The following NXF1 variants were observed in gnomAD, a reference collection of about 807,000 sequenced individuals.
NXF1 encodes the protein nuclear RNA export factor 1.
In NXF1, 43 loss-of-function variants were observed where a neutral mutation model predicts 92.4. That is an observed-to-expected ratio of 0.47 (90% CI 0.36 to 0.60). The LOEUF is 0.60. Ranked by LOEUF, NXF1 falls within the 20% of genes least tolerant of loss-of-function variation. The probability of loss-of-function intolerance (pLI) is 0.00; values close to 1 mark genes in which losing one functional copy is unlikely to be tolerated. For missense variants in NXF1, 576 were observed against 793.0 expected, an observed-to-expected ratio of 0.73 and a Z score of 3.29; for synonymous variants, 288 against 292.2, an observed-to-expected ratio of 0.99 and a Z score of 0.15.
Position 62,798,494 on chromosome 11 carries a change from G to A in NXF1, c.1053+45C>T, listed in dbSNP as rs750998818. On this transcript the variant is annotated intron_variant, in intron 11 of 20. Coordinates refer to ENST00000294172, the MANE Select transcript of NXF1 (RefSeq NM_006362.5). ...GAAACCTATCCAGGAATCCTTGTGA[G>A]TGAGAGATGCTGTGCTTGTTAGAAT... is the stretch of plus-strand genomic sequence containing the variant. 15 of 1,604,452 alleles carry A rather than the reference G, an allele frequency of 9.3e-6. No homozygotes were observed. In the African/African-American group the frequency reaches 2.0e-4, roughly 22 times the overall value.
At chr11:62,798,154 C>G (rs1052376548) in intron 11 of NXF1, among the ~76,000 whole-genome samples, 2 of 146,772 alleles carry the variant, frequency 1.4e-5, no homozygotes, top group Non-Finnish European at 3.0e-5. Context: ...GGGCCTGGTG[C>G]GAGTGGCTCA....
chr11:62,805,221 C>T (rs2084523045), intron 1 of NXF1, 108 bp downstream of exon 1: 1 of 1,106,038 alleles, frequency 9.0e-7, no homozygotes, highest in Non-Finnish European at 1.2e-6. Context: ...CCGCTCCCCG[C>T]GGACGCCGGG....
At chr11:62,795,865 A>C in intron 17 of NXF1, 36 bp downstream of exon 17, 2 of 1,599,716 alleles carry the variant, frequency 1.3e-6, no homozygotes, top group Non-Finnish European at 1.7e-6. Flanking sequence ...TGGGGGTGGG[A>C]CCACGCTACA....
intron 10 of NXF1, chr11:62,799,916 G>C: frequency 1.0e-6 from 1 of 988,722 alleles, no homozygotes; most frequent in Admixed American, 6.0e-5. Flanking sequence ...CTTGGCGCAA[G>C]GGCAAGAGGG....
intron 17 of NXF1, 136 bp downstream of exon 17, chr11:62,795,765 C>A: frequency 1.2e-6 from 1 of 838,522 alleles, no homozygotes. Flanking sequence ...CAAGCCAAGA[C>A]GGCTTGGGGG....
chr11:62,801,694 A>G, intron 6 of NXF1, 45 bp downstream of exon 6: 1 of 1,608,680 alleles, frequency 6.2e-7, no homozygotes, highest in Non-Finnish European at 8.5e-7. Flanking sequence ...GGGTGTGAGA[A>G]GTAGTAAGAC....
rs1194485123 is a variant in NXF1, at chr11:62,795,840, G to A, written c.1504+61C>T. ...AAGTAGCTGGGAAGCTAAGAGTGCT[G>A]AGGAAAATTCCAGCTGGGGGTGGGA... On this transcript the variant is annotated intron_variant, in intron 17 of 20. Coordinates refer to ENST00000294172, the MANE Select transcript of NXF1 (RefSeq NM_006362.5). 4.0e-6 allele frequency: 6 copies of A among 1,484,346 alleles called. No homozygotes were observed. The African/African-American group carries it at 4.1e-5, about 10-fold the overall frequency. The allele number at this position is 1,484,346 out of a possible 1,614,324, so 91.9% of individuals were successfully genotyped here.
intron 19 of NXF1, among the ~76,000 whole-genome samples, chr11:62,793,266 A>G (rs1406280408): frequency 6.6e-6 from 1 of 152,066 alleles, no homozygotes; most frequent in African/African-American, 2.4e-5. Flanking sequence ...TTTAGTAGAG[A>G]CGAGATTTCA....
At chr11:62,797,492 G>A (rs1590951143) in intron 11 of NXF1, 106 bp from the exon 12 acceptor site, 1 of 959,428 alleles carries the variant, frequency 1.0e-6, no homozygotes, top group Non-Finnish European at 1.6e-6. Context: ...TTGAGCTCAG[G>A]AGTTTGAGAC....
At chr11:62,800,947 G>A in intron 9 of NXF1, 147 bp downstream of exon 9, 1 of 661,584 alleles carries the variant, frequency 1.5e-6, no homozygotes, top group South Asian at 1.8e-5. Context: ...TGATCCTCCT[G>A]CCTTGGCCTC....
At position 62,805,311 on chromosome 11, in the gene NXF1, C is replaced by A; in HGVS notation, c.28+18G>T. 6.2e-7 allele frequency: 1 copy of A among 1,600,760 alleles called. No individual in the cohort carries two copies. Among genetic ancestry groups the A allele is most frequent in the Non-Finnish European group, 8.5e-7 (1 of 1,174,448 alleles). On this transcript the variant is annotated intron_variant, in intron 1 of 20. Coordinates refer to ENST00000294172, the MANE Select transcript of NXF1 (RefSeq NM_006362.5). ...GCGCCCCAGATAGCCAGTTCCCGAC[C>A]CGAAGACCAGCACTTACCGCTGTAC...
At position 62,794,439 on chromosome 11, in the gene NXF1, G is replaced by A. The variant is rs1321579921; in HGVS notation, c.1579C>T (p.Leu527=). The change falls in exon 19 of 21, where the codon CTA becomes TTA. Residue 527 remains leucine, a splice_region_variant and synonymous_variant. Transcript: ENST00000294172. ...FIAVPASNSG[L]CIVNDELFVR... ...AATAGCTCATCATTTACAATACATA[G>A]CCTTGAGGACAAAGAGCACTTAAAA... 1 of 1,607,308 alleles carries A rather than the reference G, an allele frequency of 6.2e-7. No individual in the cohort carries two copies. The highest frequency in any genetic ancestry group is 8.5e-7 in the Non-Finnish European group (1 of 1,174,298).
In NXF1 at chr11:62,795,889, A is replaced by G. The variant is rs1391570089; in HGVS notation, c.1504+12T>C. The G allele has an allele frequency of 5.6e-6, 9 of 1,612,674 alleles. No homozygotes were observed. Among genetic ancestry groups the G allele is most frequent in the South Asian group, 4.4e-5 (4 of 91,048 alleles). The stretch of plus-strand genomic sequence containing the variant: ...GACCACGCTACAAACTCGGGACTCT[A>G]AAGATTCTTACCTTCCTTGAAGACT... On this transcript the variant is annotated intron_variant, in intron 17 of 20. Coordinates refer to ENST00000294172, the MANE Select transcript of NXF1 (RefSeq NM_006362.5).
chr11:62,798,506 G>A (rs2084444945), intron 11 of NXF1, 33 bp downstream of exon 11: 5 of 1,613,492 alleles, frequency 3.1e-6, no homozygotes, highest in South Asian at 1.1e-5. Context: ...GAGAGATGCT[G>A]TGCTTGTTAG....
In NXF1 at chr11:62,805,383, C is replaced by G; in HGVS notation, c.-27G>C. 2 of 1,610,646 alleles carry G rather than the reference C, an allele frequency of 1.2e-6. No homozygotes were observed. The highest frequency in any genetic ancestry group is 1.7e-6 in the Non-Finnish European group (2 of 1,178,590). On this transcript the variant is annotated 5_prime_UTR_variant, in exon 1 of 21. Transcript: ENST00000294172. The stretch of plus-strand genomic sequence containing the variant: ...CCACAGCGAAGATCAAGGGCGGGCT[C>G]AGGCGCTGGCCGCTACGCCGGCAAA...
chr11:62,794,636 A>G (rs964663941), intron 18 of NXF1, 196 bp from the exon 19 acceptor site: 1 of 595,414 alleles, frequency 1.7e-6, no homozygotes, highest in African/African-American at 1.8e-5. Context: ...GGTTCTCCCA[A>G]CGCATGGACT....
At chr11:62,804,233 T>C (rs1382012077) in intron 1 of NXF1, 4 of 1,460,008 alleles carry the variant, frequency 2.7e-6, no homozygotes, top group Non-Finnish European at 2.7e-6. Flanking sequence ...AGAAGCAGGA[T>C]GTAGAAATGT....
intron 10 of NXF1, chr11:62,799,609 G>C (rs945922903): frequency 3.0e-6 from 3 of 985,696 alleles, no homozygotes; most frequent in Admixed American, 6.1e-5. Context: ...ACAGGGTGAC[G>C]TGCAGTGTGT....
In NXF1 at chr11:62,796,201, CT is replaced by C; in HGVS notation, c.1346-21del. On this transcript the variant is annotated intron_variant, in intron 15 of 20. Transcript: ENST00000294172. ...GCAAGGCTGTGGGTAGAGGAGAAAG[CT>C]CAGTGGTGCTGCCACACACTCCTGA... 6.2e-7 allele frequency: 1 copy of C among 1,613,702 alleles called. No homozygotes were observed. The highest frequency in any genetic ancestry group is 8.5e-7 in the Non-Finnish European group (1 of 1,179,620).
Sources: allele counts gnomAD v4.1 joint callset (sites outside exome capture counted in the v4.1 genomes callset), GRCh38; gene constraint gnomAD v4.1.1; transcripts MANE v1.5; gene names NCBI Gene and HGNC (gene_info 2026-07-23, HGNC 2026-07-21).